The following STXBP6 variants were observed in gnomAD, a reference collection of about 807,000 sequenced individuals.
STXBP6 encodes syntaxin-binding protein 6.
A neutral mutation model predicts 26.9 loss-of-function variants in STXBP6; 21 were observed. That is an observed-to-expected ratio of 0.78 (90% CI 0.55 to 1.12). STXBP6 has a LOEUF of 1.12. Among genes scored for constraint, STXBP6 ranks in the 50% most tolerant of loss-of-function variants. STXBP6 has a pLI of 0.00. For missense variants in STXBP6, 232 were observed against 257.9 expected, an observed-to-expected ratio of 0.90 and a Z score of 0.69; for synonymous variants, 97 against 92.6, an observed-to-expected ratio of 1.05 and a Z score of -0.27.
chr14:24,915,759 T>C (rs2071744009), intron 2 of STXBP6, among the ~76,000 whole-genome samples: 1 of 152,220 alleles, frequency 6.6e-6, no homozygotes, highest in South Asian at 2.1e-4. Flanking sequence ...AATGAATGAA[T>C]GAATCAATCA....
chr14:24,849,589 T>A (rs2069077211), intron 4 of STXBP6, among the ~76,000 whole-genome samples: 1 of 152,148 alleles, frequency 6.6e-6, no homozygotes, highest in African/African-American at 2.4e-5. Context: ...ATCATTTTCC[T>A]CATCTGTACT....
chr14:24,915,353 A>C (rs1295235573), intron 2 of STXBP6, among the ~76,000 whole-genome samples: 1 of 152,144 alleles, frequency 6.6e-6, no homozygotes, highest in Non-Finnish European at 1.5e-5. Flanking sequence ...GACATTACAC[A>C]CAAACTGTGG....
At chr14:24,965,905 A>G (rs2140148924) in intron 2 of STXBP6, among the ~76,000 whole-genome samples, 1 of 152,286 alleles carries the variant, frequency 6.6e-6, no homozygotes, top group Middle Eastern at 3.4e-3. Context: ...GTGGCTTAAA[A>G]CAGTGCCTTC....
At chr14:24,972,522 C>T (rs1366193272) in intron 2 of STXBP6, among the ~76,000 whole-genome samples, 3 of 152,192 alleles carry the variant, frequency 2.0e-5, no homozygotes, top group African/African-American at 7.2e-5. Flanking sequence ...TTTCTTTCAA[C>T]TACTCATCTA....
In STXBP6 at chr14:24,957,001, A is replaced by C. The variant is rs141686496; in HGVS notation, c.154+17664T>G. ...TGCATAATTCTGCACCCCTCTACAC[A>C]CACACACTAGGCTCAGCACACTACC... On this transcript the variant is annotated intron_variant, in intron 2 of 5. Transcript: ENST00000323944. 9.1e-4 allele frequency among the ~76,000 whole-genome samples: 139 copies of C among 152,226 alleles called. 3 individuals are homozygous for C. The highest frequency in any genetic ancestry group is 7.3e-3 in the East Asian group (38 of 5,176).
At chr14:24,858,549 A>G (rs927298491) in intron 2 of STXBP6, among the ~76,000 whole-genome samples, 2 of 152,152 alleles carry the variant, frequency 1.3e-5, no homozygotes, top group African/African-American at 4.8e-5. Flanking sequence ...TTTATGATTA[A>G]GAAGTCATCA....
chr14:24,928,195 A>G (rs1346940411), intron 2 of STXBP6, among the ~76,000 whole-genome samples: 1 of 152,146 alleles, frequency 6.6e-6, no homozygotes, highest in African/African-American at 2.4e-5. Context: ...CATCATTAAC[A>G]ACTGGAAATT....
chr14:24,927,373 G>A (rs531100093), intron 2 of STXBP6, among the ~76,000 whole-genome samples: 1 of 152,094 alleles, frequency 6.6e-6, no homozygotes, highest in Non-Finnish European at 1.5e-5. Context: ...TTTCCTCCTT[G>A]GCCTCTGAGC....
At position 25,049,253 on chromosome 14, in the gene STXBP6, G is replaced by A. The variant is rs1471496353; in HGVS notation, c.-33+625C>T. 3 of 985,334 alleles carry A rather than the reference G, an allele frequency of 3.0e-6. No individual in the cohort carries two copies. The African/African-American group carries it at 5.2e-5, about 17-fold the overall frequency. The allele number at this position is 985,334 out of a possible 1,614,324, so 61.0% of individuals were successfully genotyped here. A position where few individuals can be genotyped will look rare whatever the true frequency, so the allele number is the denominator to read the frequency against. Reference sequence around the variant, plus strand: ...GCGGTGTTGGTGAGGCTCGATGCCGGCGTGCACGGCAAGCGCGAATTCGGA... The same window carrying A: ...GCGGTGTTGGTGAGGCTCGATGCCGACGTGCACGGCAAGCGCGAATTCGGA... On this transcript the variant is annotated intron_variant, in intron 1 of 5. Coordinates refer to ENST00000323944, the MANE Select transcript of STXBP6 (RefSeq NM_001394410.1). This position sits in a 1 kb window ranked among gnomAD's most constrained non-coding sequence, Gnocchi z 5.6.
At chr14:24,940,143 T>C (rs945902348) in intron 2 of STXBP6, among the ~76,000 whole-genome samples, 1 of 152,230 alleles carries the variant, frequency 6.6e-6, no homozygotes. Context: ...AACTTGCCTG[T>C]CCATCCAGTT....
At chr14:25,012,875 G>C (rs534206285) in intron 1 of STXBP6, among the ~76,000 whole-genome samples, 1 of 152,248 alleles carries the variant, frequency 6.6e-6, no homozygotes, top group Non-Finnish European at 1.5e-5. Flanking sequence ...AAAGGATTCA[G>C]GAGACCACAC....
intron 2 of STXBP6, among the ~76,000 whole-genome samples, chr14:24,944,595 C>G (rs548891261): frequency 6.6e-6 from 1 of 152,220 alleles, no homozygotes; most frequent in East Asian, 1.9e-4. Flanking sequence ...GATTTGGGAT[C>G]TTTTTGTCCA....
rs566466774 is a variant in STXBP6 at position 24,818,649 on chromosome 14, C to T, written c.609+388G>A. On this transcript the variant is annotated intron_variant, in intron 5 of 5. Transcript: ENST00000323944. ...AAGGGACAGGATGGAAAAGCAAGCA[C>T]GAGCAGCCTCACGTCCTCCATGTGT... Among the ~76,000 whole-genome samples the T allele has an allele frequency of 5.9e-5, 9 of 152,272 alleles. No individual in the cohort carries two copies. The South Asian group carries it at 1.2e-3, about 21-fold the overall frequency.
At chr14:24,818,530 G>A (rs1205219311) in intron 5 of STXBP6, among the ~76,000 whole-genome samples, 1 of 152,146 alleles carries the variant, frequency 6.6e-6, no homozygotes, top group African/African-American at 2.4e-5. Flanking sequence ...CTCTCCGAGG[G>A]AAAACTAGCC....
intron 2 of STXBP6, among the ~76,000 whole-genome samples, chr14:24,907,428 T>C (rs1485600154): frequency 1.3e-5 from 2 of 152,192 alleles, no homozygotes; most frequent in African/African-American, 4.8e-5. Flanking sequence ...ATTATTAAAG[T>C]ACACAGTTGT....
chr14:25,017,063 G>A (rs1341980500), intron 1 of STXBP6, among the ~76,000 whole-genome samples: 2 of 152,164 alleles, frequency 1.3e-5, no homozygotes, highest in Non-Finnish European at 2.9e-5. Context: ...TCAACTAGAT[G>A]CCAGGTATAA....
intron 2 of STXBP6, among the ~76,000 whole-genome samples, chr14:24,883,350 A>G (rs529541652): frequency 2.8e-4 from 42 of 152,322 alleles, no homozygotes; most frequent in South Asian, 1.0e-3. Context: ...ATCCATAGTG[A>G]TACATTACTA....
At chr14:24,891,506 C>G (rs2070786041) in intron 2 of STXBP6, among the ~76,000 whole-genome samples, 1 of 152,154 alleles carries the variant, frequency 6.6e-6, no homozygotes, top group African/African-American at 2.4e-5. Context: ...GTTCCCCATC[C>G]TGTAAAGAAA....
In STXBP6 at chr14:24,819,116, C is replaced by T. The variant is rs1028424706; in HGVS notation, c.530G>A (p.Gly177Glu). ...QKASQALNER[G>E]ERLGRAEEKT... is the part of the protein sequence containing the mutation. ...CTCCTCTGCTCGGCCTAATCGCTCT[C>T]CACGCTCATTCAAGGCCTGGCTTGC... is the stretch of plus-strand genomic sequence containing the variant. Residue 177 changes from glycine (G) to glutamate (E), a missense_variant, in exon 5 of 6, where the codon GGA (glycine) becomes GAA (glutamate). Coordinates refer to ENST00000323944, the MANE Select transcript of STXBP6 (RefSeq NM_001394410.1). 1.1e-5 allele frequency: 18 copies of T among 1,614,036 alleles called. No individual in the cohort carries two copies. The highest frequency in any genetic ancestry group is 1.4e-5 in the Non-Finnish European group (16 of 1,180,010).
Sources: gnomAD v4.1 joint callset for allele counts (sites outside exome capture counted in the v4.1 genomes callset) on GRCh38, gnomAD v4.1.1 for gene constraint, Gnocchi (gnomAD v3.1) non-coding constraint, MANE v1.5 for transcripts, NCBI Gene and HGNC (gene_info 2026-07-23, HGNC 2026-07-21) for gene names.